UNC93A: variants seen among roughly 807,000 people sequenced by gnomAD.
UNC93A encodes the protein N-acetylglucosamine transporter UNC93A.
A neutral mutation model predicts 47.5 loss-of-function variants in UNC93A; 43 were observed. That is an observed-to-expected ratio of 0.91 (90% CI 0.71 to 1.17). The LOEUF (loss-of-function observed/expected upper bound fraction) is 1.17, where lower values mean the gene tolerates loss of function less well. Among genes scored for constraint, UNC93A ranks in the 50% most tolerant of loss-of-function variants. The pLI, the probability that UNC93A is intolerant of heterozygous loss-of-function variation, is 0.00. For missense variants in UNC93A, 605 were observed against 577.6 expected, an observed-to-expected ratio of 1.05 and a Z score of -0.49; for synonymous variants, 280 against 258.0, an observed-to-expected ratio of 1.09 and a Z score of -0.82.
At chr6:167,285,527 G>A (rs991989315) in intron 1 of UNC93A, among the ~76,000 whole-genome samples, 20 of 151,916 alleles carry the variant, frequency 1.3e-4, no homozygotes, top group Non-Finnish European at 2.6e-4. Flanking sequence ...TGACTCGCCC[G>A]TGGGGCTGGC....
chr6:167,314,149 C>T (rs775630343), intron 7 of UNC93A, among the ~76,000 whole-genome samples: 1 of 152,156 alleles, frequency 6.6e-6, no homozygotes, highest in East Asian at 1.9e-4. Flanking sequence ...TGCTGGGCCT[C>T]CCCACACACG....
Position 167,294,562 on chromosome 6 carries a change from A to T in UNC93A, c.133A>T (p.Thr45Ser). ...GGGCCTGGGTGTCACAGCGCTCAGC[A>T]CCCTCTATGGAGGCATGCTCCTGTC... ...EEGLGVTALS[T>S]LYGGMLLSSM... Residue 45 changes from threonine (T) to serine (S), a missense_variant, in exon 2 of 8, where the codon ACC becomes TCC. By Grantham distance (58) the Thr-to-Ser change is moderately conservative. Coordinates refer to ENST00000230256, the MANE Select transcript of UNC93A (RefSeq NM_018974.4). The T allele has an allele frequency of 6.2e-7, 1 of 1,613,732 alleles. No homozygotes were observed. The highest frequency in any genetic ancestry group is 8.5e-7 in the Non-Finnish European group (1 of 1,179,936).
upstream of UNC93A, among the ~76,000 whole-genome samples, chr6:167,269,064 C>G (rs1272188967): frequency 1.3e-5 from 2 of 152,200 alleles, no homozygotes; most frequent in Non-Finnish European, 2.9e-5. Flanking sequence ...GACGAAGCAG[C>G]TGGAGGGGCC....
In UNC93A at chr6:167,315,538, C is replaced by T. The variant is rs1344559610; in HGVS notation, c.*86C>T. ...GATGCCTCAGGACATAGAGCGGCTC[C>T]TCATCACCATCTCAGCACAATTTGG... On this transcript the variant is annotated 3_prime_UTR_variant, in exon 8 of 8. Coordinates refer to ENST00000230256, the MANE Select transcript of UNC93A (RefSeq NM_018974.4). 1.9e-6 allele frequency: 3 copies of T among 1,597,704 alleles called. No individual in the cohort carries two copies. The highest frequency in any genetic ancestry group is 2.7e-5 in the African/African-American group (2 of 74,282).
rs201484071 is a variant in UNC93A at position 167,315,170 on chromosome 6, C to T, written c.1109-17C>T. 34 of 1,612,602 alleles carry T rather than the reference C, an allele frequency of 2.1e-5. No individual in the cohort carries two copies. Among genetic ancestry groups the T allele is most frequent in the South Asian group, 8.8e-5 (8 of 90,944 alleles). ...GGGGCCCATGGCAGAGCTCTCACTC[C>T]GCTCTCTCCTCTGCAGCTCTCTACG... On this transcript the variant is annotated splice_polypyrimidine_tract_variant and intron_variant, in intron 7 of 7. Transcript: ENST00000230256.
At chr6:167,299,117 C>CA (rs35271042) in intron 4 of UNC93A, among the ~76,000 whole-genome samples, 5,287 of 90,478 alleles carry the variant, frequency 0.058, 126 homozygotes, top group Middle Eastern at 0.11. Context: ...GACTCCATCT[C>CA]AAAAAAAAAA....
chr6:167,270,057 T>TGGGGGGGGGGGGGGGG, upstream of UNC93A, among the ~76,000 whole-genome samples: 1 of 3,872 alleles, frequency 2.6e-4, no homozygotes, highest in East Asian at 0.01. Flanking sequence ...GGGGTGGGGG[T>TGGGGGGGGGGGGGGGG]GGGGGTGGGG....
Position 167,301,166 on chromosome 6 carries a change from C to A in UNC93A, c.626-2753C>A, listed in dbSNP as rs372867450. Among the ~76,000 whole-genome samples the A allele has an allele frequency of 5.6e-4, 85 of 152,388 alleles. 3 individuals carry two copies. In the South Asian group the frequency reaches 0.018, roughly 32 times the overall value. ...CAGGCTTCTCTGTGGCTTCCAGGCCCTTCATTGCCAGCTGTCCTCCGCAGG... is the reference window on the plus strand; with the variant it reads ...CAGGCTTCTCTGTGGCTTCCAGGCCATTCATTGCCAGCTGTCCTCCGCAGG... On this transcript the variant is annotated intron_variant, in intron 4 of 7. Transcript: ENST00000230256.
At chr6:167,308,732 A>G (rs527792429) in intron 7 of UNC93A, among the ~76,000 whole-genome samples, 3 of 152,214 alleles carry the variant, frequency 2.0e-5, no homozygotes, top group South Asian at 4.1e-4. Context: ...CACCTAGGTC[A>G]CTGGAAGCAG....
Position 167,307,871 on chromosome 6 carries a change from T to C in UNC93A, c.1069T>C (p.Trp357Arg). The C allele has an allele frequency of 6.2e-7, 1 of 1,613,990 alleles. No individual in the cohort carries two copies. Among genetic ancestry groups the C allele is most frequent in the South Asian group, 1.1e-5 (1 of 91,084 alleles). Residue 357 changes from tryptophan to arginine, a missense_variant, in exon 7 of 8, where the codon TGG (tryptophan) becomes CGG (arginine). Coordinates refer to ENST00000230256, the MANE Select transcript of UNC93A (RefSeq NM_018974.4). ...AGTGTTCTTCGTATTCTCTGGCCTG[T>C]GGGGCGTGGCAGATGCCGTCTGGCA... is the stretch of plus-strand genomic sequence containing the variant. ...LAVFFVFSGLWGVADAVWQTQ... is the reference protein window; with the variant it reads ...LAVFFVFSGLRGVADAVWQTQ...
intron 1 of UNC93A, among the ~76,000 whole-genome samples, chr6:167,293,563 G>A (rs1016784980): frequency 2.6e-5 from 4 of 152,106 alleles, no homozygotes; most frequent in African/African-American, 7.2e-5. Flanking sequence ...GAGGAGCCGA[G>A]CCCACCTCTC....
intron 1 of UNC93A, among the ~76,000 whole-genome samples, chr6:167,281,167 T>C (rs1783627566): frequency 2.0e-5 from 3 of 148,386 alleles, no homozygotes; most frequent in Admixed American, 2.0e-4. Context: ...CCTCGGTAGG[T>C]CATCCCACTG....
chr6:167,302,204 G>A (rs1479741376), intron 4 of UNC93A, among the ~76,000 whole-genome samples: 1 of 152,166 alleles, frequency 6.6e-6, no homozygotes, highest in African/African-American at 2.4e-5. Flanking sequence ...AGCTGGCTTT[G>A]CAAACCTCCC....
chr6:167,282,090 G>T (rs533531192), intron 1 of UNC93A, among the ~76,000 whole-genome samples: 1 of 152,166 alleles, frequency 6.6e-6, no homozygotes, highest in African/African-American at 2.4e-5. Flanking sequence ...AGGGAGAGCC[G>T]CTATGCTAGA....
intron 1 of UNC93A, among the ~76,000 whole-genome samples, chr6:167,281,161 G>C (rs867247040): frequency 4.0e-5 from 6 of 149,864 alleles, no homozygotes; most frequent in Non-Finnish European, 7.4e-5. Context: ...GAGGAGCCTC[G>C]GTAGGTCATC....
At chr6:167,279,159 A>C (rs1783591847) in intron 1 of UNC93A, among the ~76,000 whole-genome samples, 1 of 152,200 alleles carries the variant, frequency 6.6e-6, no homozygotes, top group Admixed American at 6.5e-5. Flanking sequence ...TTTCAGTGGA[A>C]ATCTATGGCA....
At chr6:167,277,281 G>A (rs543107249) in intron 1 of UNC93A, among the ~76,000 whole-genome samples, 1 of 152,302 alleles carries the variant, frequency 6.6e-6, no homozygotes, top group Admixed American at 6.5e-5. Flanking sequence ...GCTGGGCTTT[G>A]TGCTGGCCCC....
chr6:167,295,461 C>T (rs1424901626), intron 2 of UNC93A, among the ~76,000 whole-genome samples: 5 of 109,832 alleles, frequency 4.6e-5, no homozygotes, highest in Admixed American at 8.7e-5. Context: ...TCGCCTCCCT[C>T]GTGCTCCTCG....
At chr6:167,290,476 G>T (rs1245975639), upstream of UNC93A, among the ~76,000 whole-genome samples, 1 of 152,144 alleles carries the variant, frequency 6.6e-6, no homozygotes, top group East Asian at 1.9e-4. Flanking sequence ...ACAATCTGCA[G>T]ACATCAAGTT....
Sources: gnomAD v4.1 joint callset for allele counts (sites outside exome capture counted in the v4.1 genomes callset) on GRCh38, gnomAD v4.1.1 for gene constraint, MANE v1.5 for transcripts, NCBI Gene and HGNC (gene_info 2026-07-23, HGNC 2026-07-21) for gene names.